Variants in TTLL1 observed in about 807,000 individuals in gnomAD.
The protein encoded by TTLL1 is TTL family tubulin polyglutamylase complex subunit L1, also known as polyglutamylase complex subunit TTLL1.
Under a neutral mutation model 47.8 loss-of-function variants are expected in TTLL1, and 33 were observed. The observed-to-expected ratio is 0.69, with a 90% CI of 0.52 to 0.92. The LOEUF is 0.92. Among genes scored for constraint, TTLL1 ranks in the 40% least tolerant of loss-of-function variants. TTLL1 has a pLI of 0.00. For missense variants in TTLL1, 488 were observed against 547.5 expected (o/e 0.89, Z 1.08); for synonymous variants, 225 against 214.1 (o/e 1.05, Z -0.45).
intron 9 of TTLL1, among the ~76,000 whole-genome samples, chr22:43,047,088 T>G (rs1282190399): frequency 6.6e-6 from 1 of 152,168 alleles, no homozygotes; most frequent in Non-Finnish European, 1.5e-5. Context: ...AAAGGTAGGA[T>G]TAGAATTAGG....
At chr22:43,055,184 T>C (rs1291805550) in intron 8 of TTLL1, among the ~76,000 whole-genome samples, 1 of 151,824 alleles carries the variant, frequency 6.6e-6, no homozygotes, top group Non-Finnish European at 1.5e-5. Flanking sequence ...CCATCACGCC[T>C]GGCTAATTTT....
chr22:43,080,904 T>TTTC (rs1928838267), intron 1 of TTLL1, among the ~76,000 whole-genome samples: 1 of 44,946 alleles, frequency 2.2e-5, no homozygotes, highest in Admixed American at 2.2e-4. Flanking sequence ...TTGCATGACT[T>TTTC]TTTTTTTTTT....
Position 43,072,240 on chromosome 22 carries a change from G to A in TTLL1, c.114-2396C>T, listed in dbSNP as rs546549746. ...GTGACCTCGGCTCACTGCAATCTCC[G>A]CCTCCCGGGTTCACGCCATTCTCCT... On this transcript the variant is annotated intron_variant, in intron 3 of 10. Coordinates refer to ENST00000266254, the MANE Select transcript of TTLL1 (RefSeq NM_012263.5). 3.8e-4 allele frequency among the ~76,000 whole-genome samples: 55 copies of A among 144,358 alleles called. No homozygotes were observed. In the East Asian group the frequency reaches 9.6e-3, roughly 25 times the overall value. The allele number at this position is 144,358 out of a possible 152,430, so 94.7% of individuals were successfully genotyped here.
At chr22:43,076,313 G>GCCA (rs1928483429) in intron 2 of TTLL1, among the ~76,000 whole-genome samples, 1 of 151,840 alleles carries the variant, frequency 6.6e-6, no homozygotes, top group Admixed American at 6.6e-5. Flanking sequence ...AAAATTAGCC[G>GCCA]GGTGTGGTTG....
At chr22:43,057,535 G>A (rs553890701) in intron 8 of TTLL1, among the ~76,000 whole-genome samples, 9 of 152,276 alleles carry the variant, frequency 5.9e-5, no homozygotes, top group Admixed American at 3.9e-4. Context: ...GATTCTTTGA[G>A]CTTTGGGAGT....
intron 2 of TTLL1, among the ~76,000 whole-genome samples, chr22:43,078,858 CACA>C (rs1428522172): frequency 2.6e-5 from 4 of 151,252 alleles, no homozygotes; most frequent in African/African-American, 7.3e-5. Context: ...CCCTCACACC[CACA>C]GACACGGGGA....
intron 9 of TTLL1, among the ~76,000 whole-genome samples, chr22:43,048,951 A>T (rs772099058): frequency 1.3e-5 from 2 of 151,912 alleles, no homozygotes; most frequent in African/African-American, 2.4e-5. Flanking sequence ...AAATAAAAAT[A>T]AAAAATACCC....
At chr22:43,063,462 C>CT (rs34847416) in intron 7 of TTLL1, among the ~76,000 whole-genome samples, 1,521 of 139,680 alleles carry the variant, frequency 0.011, 11 homozygotes, top group African/African-American at 0.025. Flanking sequence ...AAAGTCGGTC[C>CT]TTTTTTTTTT....
intron 1 of TTLL1, among the ~76,000 whole-genome samples, chr22:43,081,006 C>T (rs535464977): frequency 9.5e-5 from 14 of 146,902 alleles, no homozygotes; most frequent in Non-Finnish European, 2.1e-4. Context: ...ACCTCTGCCT[C>T]CTGGGCTCAA....
intron 2 of TTLL1, among the ~76,000 whole-genome samples, chr22:43,076,677 G>A (rs1928519857): frequency 6.6e-6 from 1 of 151,508 alleles, no homozygotes; most frequent in South Asian, 2.1e-4. Context: ...CTTGAACCTG[G>A]GAGGTGGAGG....
intron 10 of TTLL1, among the ~76,000 whole-genome samples, chr22:43,043,673 G>C (rs1390598115): frequency 6.6e-6 from 1 of 152,022 alleles, no homozygotes; most frequent in African/African-American, 2.4e-5. Context: ...GCTCTAATGG[G>C]CTCCTGCGAG....
intron 1 of TTLL1, among the ~76,000 whole-genome samples, chr22:43,085,461 G>A (rs1033152175): frequency 5.3e-5 from 8 of 152,218 alleles, no homozygotes; most frequent in Admixed American, 6.5e-5. Context: ...GCAAGGTGGA[G>A]ATAAACGAAT....
At chr22:43,082,134 G>A (rs1044174144) in intron 1 of TTLL1, among the ~76,000 whole-genome samples, 1 of 150,498 alleles carries the variant, frequency 6.6e-6, no homozygotes, top group East Asian at 1.9e-4. Flanking sequence ...TTACTGGTGT[G>A]AGTCACCGCA....
At position 43,068,740 on chromosome 22, in the gene TTLL1, A is replaced by G. The variant is rs903347859; in HGVS notation, c.323-150T>C. On this transcript the variant is annotated intron_variant, in intron 4 of 10. Transcript: ENST00000266254. ...AACAGAACAAGGGCCTCTGCTGCAC[A>G]ATCCCTGGGCAACACTCACAAGTTA... 12 of 594,040 alleles carry G rather than the reference A, an allele frequency of 2.0e-5. No individual in the cohort carries two copies. In the African/African-American group the frequency reaches 2.1e-4, roughly 10 times the overall value. 36.8% of individuals were successfully genotyped at this position (594,040 alleles called of 1,614,324 possible).
chr22:43,056,255 A>G (rs934152256), intron 8 of TTLL1, among the ~76,000 whole-genome samples: 5 of 151,384 alleles, frequency 3.3e-5, no homozygotes, highest in Non-Finnish European at 7.4e-5. Flanking sequence ...GCTACTCAGG[A>G]GGCTGAGACA....
chr22:43,054,528 G>A (rs921081513), intron 8 of TTLL1, among the ~76,000 whole-genome samples: 1 of 150,360 alleles, frequency 6.7e-6, no homozygotes, highest in Non-Finnish European at 1.5e-5. Flanking sequence ...AGGTTCAAGC[G>A]ATTCTCTTGC....
chr22:43,046,448 C>T lies in TTLL1; in HGVS notation c.1104G>A (p.Lys368=). The change falls in exon 10 of 11, where the codon AAG becomes AAA. Residue 368 remains lysine, a synonymous_variant. Coordinates refer to ENST00000266254, the MANE Select transcript of TTLL1 (RefSeq NM_012263.5). The part of the protein sequence containing the change: ...NGEIPDCKWN[K]SPPKEVLGNY... ...TGCCGAGGACTTCCTTAGGTGGCGA[C>T]TTGTTCCATTTGCAGTCTGGGATTT... 6.2e-7 allele frequency: 1 copy of T among 1,614,094 alleles called. No homozygotes were observed. The highest frequency in any genetic ancestry group is 8.5e-7 in the Non-Finnish European group (1 of 1,180,022).
intron 9 of TTLL1, among the ~76,000 whole-genome samples, chr22:43,047,113 G>A (rs565896436): frequency 7.9e-5 from 12 of 152,236 alleles, no homozygotes; most frequent in South Asian, 4.1e-4. Context: ...ACAAATCAGC[G>A]ATCGCACAAA....
At chr22:43,082,709 CTG>C (rs1928979295) in intron 1 of TTLL1, among the ~76,000 whole-genome samples, 1 of 59,412 alleles carries the variant, frequency 1.7e-5, no homozygotes, top group African/African-American at 3.6e-5. Context: ...GGATGAGACT[CTG>C]TATCAAAAAT....
Sources: allele counts gnomAD v4.1 joint callset (sites outside exome capture counted in the v4.1 genomes callset), GRCh38; gene constraint gnomAD v4.1.1; transcripts MANE v1.5; gene names NCBI Gene and HGNC (gene_info 2026-07-23, HGNC 2026-07-21).